COG5: variants seen among roughly 807,000 people sequenced by gnomAD.
COG5 encodes component of oligomeric golgi complex 5.
A neutral mutation model predicts 110.4 loss-of-function variants in COG5; 86 were observed. That is an observed-to-expected ratio of 0.78 (90% CI 0.65 to 0.93). COG5 has a LOEUF of 0.93. COG5 is among the 40% of genes least tolerant of loss of function. The pLI is 0.00. For missense variants in COG5, 1,077 were observed against 987.0 expected, an observed-to-expected ratio of 1.09 and a Z score of -1.22; for synonymous variants, 360 against 334.6, an observed-to-expected ratio of 1.08 and a Z score of -0.83.
At chr7:107,537,674 CATGT>C (rs1485345657) in intron 5 of COG5, among the ~76,000 whole-genome samples, 4 of 150,362 alleles carry the variant, frequency 2.7e-5, no homozygotes, top group African/African-American at 9.8e-5. Context: ...CACCATGGCA[CATGT>C]ATACCTATGT....
At position 107,383,216 on chromosome 7, in the gene COG5, C is replaced by T. The variant is rs1047841413; in HGVS notation, c.670-10456G>A. On this transcript the variant is annotated intron_variant, in intron 7 of 21. Transcript: ENST00000297135. ...AGGAGGACTCAATTACACAGTTTCA[C>T]CTTAGCATTCAGCTTAATGATAAGG... Among the ~76,000 whole-genome samples the T allele has an allele frequency of 2.0e-5, 3 of 152,280 alleles. No individual in the cohort carries two copies. In the South Asian group the frequency reaches 6.2e-4, roughly 32 times the overall value.
chr7:107,541,440 T>C (rs13237926), intron 5 of COG5, among the ~76,000 whole-genome samples: 69 of 125,066 alleles, frequency 5.5e-4, no homozygotes, highest in Middle Eastern at 6.6e-3. Flanking sequence ...GAGATTGCAG[T>C]GGGTTGAGAT....
chr7:107,219,022 A>G (rs928160920), intron 19 of COG5, among the ~76,000 whole-genome samples: 3 of 152,162 alleles, frequency 2.0e-5, no homozygotes, highest in Admixed American at 1.3e-4. Context: ...CAATTTAAAA[A>G]TGTGCAAAAA....
At chr7:107,563,639 G>C in intron 1 of COG5, 164 bp downstream of exon 1, 1 of 761,758 alleles carries the variant, frequency 1.3e-6, no homozygotes, top group East Asian at 2.7e-5. Flanking sequence ...GAGTAAATAG[G>C]TTGGCTAGAA....
At chr7:107,360,612 G>A (rs1166042052) in intron 10 of COG5, among the ~76,000 whole-genome samples, 1 of 152,026 alleles carries the variant, frequency 6.6e-6, no homozygotes, top group Non-Finnish European at 1.5e-5. Flanking sequence ...ATCTAGATGT[G>A]GGCTACATTC....
intron 11 of COG5, among the ~76,000 whole-genome samples, chr7:107,321,891 C>A (rs1209004299): frequency 2.0e-5 from 3 of 152,068 alleles, no homozygotes; most frequent in Non-Finnish European, 2.9e-5. Flanking sequence ...AACTTTTGTC[C>A]TTTGGAAGGC....
chr7:107,275,670 C>T (rs951662326), intron 14 of COG5, among the ~76,000 whole-genome samples: 19 of 151,838 alleles, frequency 1.3e-4, no homozygotes, highest in Admixed American at 8.5e-4. Flanking sequence ...ATTCTCCTGG[C>T]GCGCCACCAC....
chr7:107,365,409 G>A (rs1407494175), intron 8 of COG5, among the ~76,000 whole-genome samples: 1 of 151,808 alleles, frequency 6.6e-6, no homozygotes, highest in Non-Finnish European at 1.5e-5. Context: ...AAGCATGCAT[G>A]CCAGTTGCTG....
chr7:107,308,144 T>C (rs895514779), intron 11 of COG5, among the ~76,000 whole-genome samples: 2 of 152,192 alleles, frequency 1.3e-5, no homozygotes, highest in Non-Finnish European at 2.9e-5. Flanking sequence ...ACATTTGTCC[T>C]ACAGAGTTTC....
At chr7:107,279,470 A>G (rs949470935) in intron 14 of COG5, among the ~76,000 whole-genome samples, 1 of 152,170 alleles carries the variant, frequency 6.6e-6, no homozygotes, top group East Asian at 1.9e-4. Context: ...AAGACTTACA[A>G]TTTGGCTATT....
At chr7:107,524,690 CATG>C (rs1482064401) in intron 6 of COG5, among the ~76,000 whole-genome samples, 2 of 152,300 alleles carry the variant, frequency 1.3e-5, no homozygotes, top group Admixed American at 6.5e-5. Context: ...ATAAAAAAGA[CATG>C]ATGTCTTTGC....
intron 10 of COG5, among the ~76,000 whole-genome samples, chr7:107,334,200 T>C (rs184285215): frequency 3.3e-5 from 5 of 152,236 alleles, no homozygotes; most frequent in African/African-American, 9.6e-5. Context: ...ATATCCACAC[T>C]ATAGAATACT....
chr7:107,556,816 GC>G (rs1217055828), intron 2 of COG5, among the ~76,000 whole-genome samples: 1 of 151,598 alleles, frequency 6.6e-6, no homozygotes, highest in Non-Finnish European at 1.5e-5. Context: ...TGTTGCCCAG[GC>G]TTGAGTGCAA....
chr7:107,228,306 CAAAAA>C (rs201009011), intron 19 of COG5, among the ~76,000 whole-genome samples: 2 of 67,524 alleles, frequency 3.0e-5, no homozygotes, highest in Non-Finnish European at 3.0e-5. Context: ...CACCCGGTCT[CAAAAA>C]AAAAAAAAAA....
chr7:107,497,551 T>C (rs1798357299), intron 6 of COG5, among the ~76,000 whole-genome samples: 1 of 151,952 alleles, frequency 6.6e-6, no homozygotes. Flanking sequence ...TACAATTGCA[T>C]CCAAAGAATA....
At chr7:107,488,170 A>AT (rs1268541124) in intron 6 of COG5, among the ~76,000 whole-genome samples, 2 of 152,048 alleles carry the variant, frequency 1.3e-5, no homozygotes, top group Non-Finnish European at 1.5e-5. Flanking sequence ...ATTTAAAAAA[A>AT]TTTTAAAATA....
chr7:107,509,161 C>T (rs1001957150), intron 6 of COG5, among the ~76,000 whole-genome samples: 10 of 151,990 alleles, frequency 6.6e-5, no homozygotes, highest in African/African-American at 4.8e-5. Context: ...AAAAAGTAGA[C>T]GAATGGCTAA....
chr7:107,535,394 G>T (rs371794326), intron 5 of COG5, among the ~76,000 whole-genome samples: 3 of 151,460 alleles, frequency 2.0e-5, no homozygotes, highest in African/African-American at 7.3e-5. Flanking sequence ...TTTTTGAAAA[G>T]ACTAACAAAA....
In COG5 at chr7:107,412,068, G is replaced by C. The variant is rs556354258; in HGVS notation, c.669+434C>G. On this transcript the variant is annotated intron_variant, in intron 7 of 21. Transcript: ENST00000297135. The stretch of plus-strand genomic sequence containing the variant: ...TCTGGGACTAGAGTGATTAAAATTT[G>C]AATCCAAACTAAATAATTTACTAGC... Among the ~76,000 whole-genome samples the C allele has an allele frequency of 2.0e-5, 3 of 152,140 alleles. No individual in the cohort carries two copies. The East Asian group carries it at 5.8e-4, about 29-fold the overall frequency.
Sources: allele counts gnomAD v4.1 joint callset (sites outside exome capture counted in the v4.1 genomes callset), GRCh38; gene constraint gnomAD v4.1.1; transcripts MANE v1.5; gene names NCBI Gene and HGNC (gene_info 2026-07-23, HGNC 2026-07-21).